Variants in UNC93A observed in about 807,000 individuals in gnomAD.
UNC93A encodes the protein N-acetylglucosamine transporter UNC93A.
In UNC93A, 43 loss-of-function variants were observed where a neutral mutation model predicts 47.5. The observed-to-expected ratio is 0.91, with a 90% CI of 0.71 to 1.17. The LOEUF (loss-of-function observed/expected upper bound fraction) is 1.17. Among genes scored for constraint, UNC93A ranks in the 50% most tolerant of loss-of-function variants. UNC93A has a pLI of 0.00. For missense variants in UNC93A, 605 were observed against 577.6 expected (o/e 1.05, Z -0.49); for synonymous variants, 280 against 258.0 (o/e 1.09, Z -0.82).
At chr6:167,281,900 C>T (rs550620724) in intron 1 of UNC93A, among the ~76,000 whole-genome samples, 12 of 152,224 alleles carry the variant, frequency 7.9e-5, no homozygotes, top group African/African-American at 2.9e-4. Flanking sequence ...TCTGGTTTCT[C>T]AATTAAAGAA....
chr6:167,305,730 C>A (rs1778367038), intron 5 of UNC93A, among the ~76,000 whole-genome samples, 185 bp from the exon 6 acceptor site: 1 of 152,304 alleles, frequency 6.6e-6, no homozygotes, highest in Non-Finnish European at 1.5e-5. Context: ...TCTCCCCAAA[C>A]AGGATTTTCT....
At chr6:167,302,848 G>A (rs1778280275) in intron 4 of UNC93A, among the ~76,000 whole-genome samples, 1 of 152,204 alleles carries the variant, frequency 6.6e-6, no homozygotes, top group African/African-American at 2.4e-5. Flanking sequence ...AGAACCTTAA[G>A]TGGAAAATTC....
chr6:167,297,137 C>A (rs1778111270), intron 3 of UNC93A, among the ~76,000 whole-genome samples: 1 of 152,198 alleles, frequency 6.6e-6, no homozygotes, highest in African/African-American at 2.4e-5. Flanking sequence ...ACAGCTCAGT[C>A]TGCATATCAC....
upstream of UNC93A, among the ~76,000 whole-genome samples, chr6:167,287,744 T>A (rs1485145180): frequency 1.4e-5 from 2 of 142,084 alleles, no homozygotes; most frequent in Admixed American, 6.8e-5. Flanking sequence ...TGTGCATGCG[T>A]GTGTGTGTGT....
chr6:167,307,532 G>A (rs771762759), intron 6 of UNC93A, among the ~76,000 whole-genome samples: 13 of 151,960 alleles, frequency 8.6e-5, no homozygotes, highest in South Asian at 6.2e-4. Flanking sequence ...CAATTCCAGA[G>A]GATGGTTGAG....
chr6:167,274,209 G>A (rs186005042), intron 1 of UNC93A, among the ~76,000 whole-genome samples: 1 of 152,302 alleles, frequency 6.6e-6, no homozygotes, highest in East Asian at 1.9e-4. Flanking sequence ...GAGGCTTTGT[G>A]GTTTGTAGGG....
chr6:167,287,606 T>C (rs572872707), upstream of UNC93A, among the ~76,000 whole-genome samples: 7 of 152,050 alleles, frequency 4.6e-5, no homozygotes, highest in Non-Finnish European at 1.0e-4. Flanking sequence ...TGGACGACTG[T>C]AGAAGTGGGT....
In UNC93A at chr6:167,294,525, G is replaced by A. The variant is rs142311851; in HGVS notation, c.96G>A (p.Leu32=). The A allele has an allele frequency of 3.1e-4, 507 of 1,614,046 alleles. 5 individuals are homozygous for A. The African/African-American group carries it at 5.2e-3, about 17-fold the overall frequency. Residue 32 remains leucine, a synonymous_variant, in exon 2 of 8, where the codon CTG becomes CTA. Coordinates refer to ENST00000230256, the MANE Select transcript of UNC93A (RefSeq NM_018974.4). ...YGGLQSLQSS[L]YSEEGLGVTA... ...TGGCTTTGTTCCCACAGAGCAGCCTGTACAGCGAGGAGGGCCTGGGTGTCA... is the reference window on the plus strand; with the variant it reads ...TGGCTTTGTTCCCACAGAGCAGCCTATACAGCGAGGAGGGCCTGGGTGTCA...
chr6:167,284,797 C>T (rs112206056), intron 1 of UNC93A, among the ~76,000 whole-genome samples: 688 of 151,470 alleles, frequency 4.5e-3, no homozygotes, highest in African/African-American at 0.016. Flanking sequence ...ACTCTGAGGG[C>T]GGTCGCCACA....
intron 3 of UNC93A, among the ~76,000 whole-genome samples, chr6:167,297,014 G>T (rs1004417543): frequency 2.0e-5 from 3 of 152,140 alleles, no homozygotes; most frequent in Non-Finnish European, 4.4e-5. Flanking sequence ...TTTCTCATGC[G>T]ATGTCATGCC....
At chr6:167,285,209 A>G (rs1027784836) in intron 1 of UNC93A, among the ~76,000 whole-genome samples, 9 of 147,400 alleles carry the variant, frequency 6.1e-5, no homozygotes, top group Admixed American at 6.8e-5. Flanking sequence ...TCCCTGCCAC[A>G]CAGGCTGGCC....
intron 1 of UNC93A, among the ~76,000 whole-genome samples, chr6:167,294,230 C>T (rs1490216448): frequency 6.6e-6 from 1 of 152,192 alleles, no homozygotes; most frequent in African/African-American, 2.4e-5. Flanking sequence ...AGGCAGGTGT[C>T]CACAGAGGCG....
chr6:167,278,795 A>G (rs1326581070), intron 1 of UNC93A, among the ~76,000 whole-genome samples: 2 of 152,240 alleles, frequency 1.3e-5, no homozygotes, highest in Admixed American at 1.3e-4. Context: ...ACTGTGTGGA[A>G]GCCAGGGCTC....
At chr6:167,289,322 G>T (rs1487966711), upstream of UNC93A, among the ~76,000 whole-genome samples, 2 of 152,164 alleles carry the variant, frequency 1.3e-5, no homozygotes, top group South Asian at 4.2e-4. Context: ...ACACTGAGGG[G>T]TGCTGGGAAT....
chr6:167,273,425 C>A (rs532582587), intron 1 of UNC93A, among the ~76,000 whole-genome samples: 1 of 152,222 alleles, frequency 6.6e-6, no homozygotes, highest in Admixed American at 6.5e-5. Flanking sequence ...GACTCTGACC[C>A]TGTACCTGGC....
chr6:167,278,708 C>T (rs1029653480), intron 1 of UNC93A, among the ~76,000 whole-genome samples: 8 of 152,108 alleles, frequency 5.3e-5, no homozygotes, highest in Non-Finnish European at 8.8e-5. Context: ...CATCTGCTTC[C>T]TGCTGTGACA....
At chr6:167,293,301 A>G (rs948467150) in intron 1 of UNC93A, among the ~76,000 whole-genome samples, 1 of 152,086 alleles carries the variant, frequency 6.6e-6, no homozygotes, top group Non-Finnish European at 1.5e-5. Context: ...CTTCCTTCTC[A>G]AAAGACTGGA....
At chr6:167,278,368 C>T (rs1304823548) in intron 1 of UNC93A, among the ~76,000 whole-genome samples, 2 of 152,148 alleles carry the variant, frequency 1.3e-5, no homozygotes, top group East Asian at 1.9e-4. Context: ...GTGAGGCCAG[C>T]GCACGTGAGA....
At chr6:167,291,134 A>G (rs73264824), upstream of UNC93A, among the ~76,000 whole-genome samples, 5,821 of 152,334 alleles carry the variant, frequency 0.038, 176 homozygotes, top group African/African-American at 0.076. Context: ...AAAGTGAAAC[A>G]TATCACTTTA....
Sources: allele counts gnomAD v4.1 joint callset (sites outside exome capture counted in the v4.1 genomes callset), GRCh38; gene constraint gnomAD v4.1.1; transcripts MANE v1.5; gene names NCBI Gene and HGNC (gene_info 2026-07-23, HGNC 2026-07-21).